The following PFAS variants were observed in gnomAD, a reference collection of about 807,000 sequenced individuals.
PFAS encodes phosphoribosylformylglycinamidine synthase, also known as FGAM synthase.
Under a neutral mutation model 140.6 loss-of-function variants are expected in PFAS, and 97 were observed. The observed-to-expected ratio is 0.69, with a 90% CI of 0.59 to 0.82. PFAS has a LOEUF of 0.82. PFAS is among the 40% of genes least tolerant of loss of function. PFAS has a pLI of 0.00. For synonymous variants in PFAS, 679 were observed against 718.8 expected, an observed-to-expected ratio of 0.94 and a Z score of 0.88; for missense variants, 1,656 against 1,780.2, an observed-to-expected ratio of 0.93 and a Z score of 1.26.
Position 8,269,321 on chromosome 17 carries a change from C to T in PFAS, c.*57C>T, listed in dbSNP as rs919526639. ...CTTTTCACCTAAGTGGGTCCTGCCCCCTCCCCCATGACCTTCAGGAGCACC... is the reference window on the plus strand; with the variant it reads ...CTTTTCACCTAAGTGGGTCCTGCCCTCTCCCCCATGACCTTCAGGAGCACC... On this transcript the variant is annotated 3_prime_UTR_variant, in exon 28 of 28. Coordinates refer to ENST00000314666, the MANE Select transcript of PFAS (RefSeq NM_012393.3). 5 of 1,273,338 alleles carry T rather than the reference C, an allele frequency of 3.9e-6. No individual in the cohort carries two copies. The African/African-American group carries it at 7.4e-5, about 19-fold the overall frequency. 78.9% of individuals were successfully genotyped at this position (1,273,338 alleles called of 1,614,324 possible).
chr17:8,256,402 C>G lies in PFAS; in HGVS notation c.816C>G (p.Asn272Lys). ...ACAACGTCCTCAAATTCTGTGATAA[C>G]AGCAGGTGCTGTGCCCTAGACTGGG... is the stretch of plus-strand genomic sequence containing the variant. ...NPNNVLKFCD[N>K]SSAIQGKEVR... The change falls in exon 7 of 28, where the codon AAC (asparagine) becomes AAG (lysine). Residue 272 changes from asparagine to lysine, a missense_variant. Coordinates refer to ENST00000314666, the MANE Select transcript of PFAS (RefSeq NM_012393.3). 1 of 1,614,102 alleles carries G rather than the reference C, an allele frequency of 6.2e-7. No homozygotes were observed. The highest frequency in any genetic ancestry group is 8.5e-7 in the Non-Finnish European group (1 of 1,180,042).
intron 1 of PFAS, among the ~76,000 whole-genome samples, chr17:8,250,342 GT>G (rs1337246493): frequency 2.2e-4 from 34 of 151,518 alleles, no homozygotes; most frequent in African/African-American, 8.0e-4. Context: ...TGGTCAGGAG[GT>G]TAATGCATTG....
rs765849761 is a variant in PFAS, at chr17:8,270,043, A to G, written c.*779A>G. The G allele has an allele frequency of 4.0e-5, 6 of 151,802 alleles. No homozygotes were observed. The highest frequency in any genetic ancestry group is 7.4e-5 in the Non-Finnish European group (5 of 68,000). The allele number at this position is 151,802 out of a possible 1,614,324, so 9.4% of individuals were successfully genotyped here. ...CAGGCACACACCACCACACCCAGCT[A>G]ATTTTTGTATTTTTAGTAGAGATAG... is the stretch of plus-strand genomic sequence containing the variant. On this transcript the variant is annotated 3_prime_UTR_variant, in exon 28 of 28. Transcript: ENST00000314666.
chr17:8,255,737 G>A (rs983749478), intron 5 of PFAS, 46 bp downstream of exon 5: 6 of 1,604,218 alleles, frequency 3.7e-6, no homozygotes. Flanking sequence ...TAGGCCAGTA[G>A]GGGTGCTGAG....
In PFAS at chr17:8,269,936, G is replaced by A. The variant is rs142352958; in HGVS notation, c.*672G>A. On this transcript the variant is annotated 3_prime_UTR_variant, in exon 28 of 28. Transcript: ENST00000314666. ...TCTGTCACCCAGGCTGGAGTACAATGGCGTGATCTCGGCCCACTGCAACCT... is the reference window on the plus strand; with the variant it reads ...TCTGTCACCCAGGCTGGAGTACAATAGCGTGATCTCGGCCCACTGCAACCT... 1 of 149,462 alleles carries A rather than the reference G, an allele frequency of 6.7e-6. No homozygotes were observed. Among genetic ancestry groups the A allele is most frequent in the East Asian group, 2.0e-4 (1 of 5,090 alleles). The allele number at this position is 149,462 out of a possible 1,614,324, so 9.3% of individuals were successfully genotyped here.
At chr17:8,257,009 G>T (rs1361467346) in intron 9 of PFAS, 46 bp downstream of exon 9, 2 of 1,606,378 alleles carry the variant, frequency 1.2e-6, no homozygotes, top group Non-Finnish European at 1.7e-6. Context: ...CAGATTCCTT[G>T]TCCTGGCAGG....
At chr17:8,256,992 T>C (rs771216279) in intron 9 of PFAS, 29 bp downstream of exon 9, 5 of 1,613,018 alleles carry the variant, frequency 3.1e-6, no homozygotes, top group Non-Finnish European at 4.2e-6. Flanking sequence ...CTATCCACCT[T>C]CCCTTCCAGA....
At position 8,266,645 on chromosome 17, in the gene PFAS, G is replaced by T; in HGVS notation, c.2822-108G>T. On this transcript the variant is annotated intron_variant, in intron 22 of 27. Transcript: ENST00000314666. The surrounding 1 kb of genome is among the most constrained non-coding windows in gnomAD (Gnocchi z 5.0). The stretch of plus-strand genomic sequence containing the variant: ...TCCCTGATCCCTACCCTACTCTCTG[G>T]CTGCATCCCTCTGACCCTCACCCTG... 6.6e-7 allele frequency: 1 copy of T among 1,509,078 alleles called. No individual in the cohort carries two copies. 93.5% of individuals were successfully genotyped at this position (1,509,078 alleles called of 1,614,324 possible).
In PFAS at chr17:8,255,013, G is replaced by A. The variant is rs751095780; in HGVS notation, c.279-14G>A. The A allele has an allele frequency of 1.3e-6, 2 of 1,598,394 alleles. No homozygotes were observed. Among genetic ancestry groups the A allele is most frequent in the Non-Finnish European group, 1.7e-6 (2 of 1,165,800 alleles). On this transcript the variant is annotated splice_polypyrimidine_tract_variant and intron_variant, in intron 3 of 27. Transcript: ENST00000314666. ...GGGGGTTCTCCAGTCCTAACCATCA[G>A]GCCCATTGTTCAGGCTGAACTTCTC...
At chr17:8,255,253 A>G (rs1597417102) in intron 4 of PFAS, 121 bp downstream of exon 4, 1 of 742,426 alleles carries the variant, frequency 1.3e-6, no homozygotes, top group East Asian at 2.7e-5. Context: ...TGGTCGTACA[A>G]GTTGTTCACT....
At chr17:8,257,972 C>T (rs200381484) in intron 10 of PFAS, 34 bp downstream of exon 10, 44 of 1,612,626 alleles carry the variant, frequency 2.7e-5, no homozygotes, top group Non-Finnish European at 3.3e-5. Flanking sequence ...GACAAACACC[C>T]AGAGGGGCTT....
chr17:8,247,933 G>T, upstream of PFAS: 1 of 1,508,596 alleles, frequency 6.6e-7, no homozygotes, highest in Non-Finnish European at 9.1e-7. Context: ...CAAGGCAGAG[G>T]AAATAGGAAG....
rs1989884249 is a variant in PFAS, at chr17:8,267,888, ATT to A, written c.3382+224_3382+225del. On this transcript the variant is annotated intron_variant, in intron 26 of 27. Transcript: ENST00000314666. This position sits in a 1 kb window ranked among gnomAD's most constrained non-coding sequence, Gnocchi z 4.9. Reference sequence around the variant, plus strand: ...CACATATGTAATTAAAATATATATTATTAAATATATATTATTTATATATATTA... The same window carrying A: ...CACATATGTAATTAAAATATATATTAAAATATATATTATTTATATATATTA... Among the ~76,000 whole-genome samples, 1 of 145,710 alleles carries A rather than the reference ATT, an allele frequency of 6.9e-6. No homozygotes were observed. Among genetic ancestry groups the A allele is most frequent in the Admixed American group, 7.0e-5 (1 of 14,326 alleles).
chr17:8,257,761 T>C, intron 9 of PFAS, 46 bp from the exon 10 acceptor site: 1 of 1,610,016 alleles, frequency 6.2e-7, no homozygotes, highest in East Asian at 2.2e-5. Flanking sequence ...CCGGCCTGTC[T>C]TCACAGTTCA....
At chr17:8,251,517 G>A (rs1255421441) in intron 1 of PFAS, among the ~76,000 whole-genome samples, 2 of 151,960 alleles carry the variant, frequency 1.3e-5, no homozygotes, top group East Asian at 3.9e-4. Flanking sequence ...AAACTCCTGG[G>A]CTCAAGCAGT....
In PFAS at chr17:8,265,318, G is replaced by A; in HGVS notation, c.2311G>A (p.Ala771Thr). 6.2e-7 allele frequency: 1 copy of A among 1,614,096 alleles called. No homozygotes were observed. The highest frequency in any genetic ancestry group is 8.5e-7 in the Non-Finnish European group (1 of 1,180,012). ...DVKCSGNWMW[A>T]AKLPGEGAAL... Reference sequence around the variant, plus strand: ...GAAGTGTAGCGGGAACTGGATGTGGGCAGCCAAGCTCCCAGGGGAGGGCGC... The same window carrying A: ...GAAGTGTAGCGGGAACTGGATGTGGACAGCCAAGCTCCCAGGGGAGGGCGC... The change falls in exon 19 of 28, where the codon GCA becomes ACA. Residue 771 changes from alanine (A) to threonine (T), a missense_variant. By Grantham distance (58) the Ala-to-Thr change is moderately conservative. Around this residue, in one of 2 missense-constraint regions of PFAS, gnomAD observed 883 missense variants for 1,023.0 expected, o/e 0.86. Transcript: ENST00000314666.
Position 8,264,564 on chromosome 17 carries a change from TGCCC to T in PFAS, c.2016_2019del (p.Ala673TrpfsTer35), listed in dbSNP as rs1406750741. ...CAGGCTCTGGAGAGGGTTCTGAGGC[TGCCC>T]GCCGTGGCCAGCAAGCGCTACCTCA... On this transcript the variant is annotated frameshift_variant, in exon 17 of 28. Coordinates refer to ENST00000314666, the MANE Select transcript of PFAS (RefSeq NM_012393.3). LOFTEE classifies it high-confidence loss of function. The T allele has an allele frequency of 5.0e-6, 8 of 1,613,356 alleles. No individual in the cohort carries two copies. Among genetic ancestry groups the T allele is most frequent in the Non-Finnish European group, 6.8e-6 (8 of 1,179,790 alleles).
intron 1 of PFAS, chr17:8,249,557 A>C (rs906517125): frequency 7.2e-5 from 11 of 152,138 alleles, no homozygotes; most frequent in African/African-American, 2.4e-4. Flanking sequence ...ATTTAGCCCC[A>C]TTGTCCCATT....
At chr17:8,253,816 G>T in intron 1 of PFAS, 43 bp from the exon 2 acceptor site, 1 of 1,410,880 alleles carries the variant, frequency 7.1e-7, no homozygotes. Flanking sequence ...TGGGGTTACA[G>T]ATGTGAGCCA....
Sources: gnomAD v4.1 joint callset for allele counts (sites outside exome capture counted in the v4.1 genomes callset) on GRCh38, gnomAD v4.1.1 for gene constraint, gnomAD v4.1.1 regional missense constraint, Gnocchi (gnomAD v3.1) non-coding constraint, MANE v1.5 for transcripts, NCBI Gene and HGNC (gene_info 2026-07-23, HGNC 2026-07-21) for gene names.